Variants in DNM2 observed in about 807,000 individuals in gnomAD.
The protein encoded by DNM2 is dynamin 2, also known as dynamin-2.
Under a neutral mutation model 99.0 loss-of-function variants are expected in DNM2, and 15 were observed. The observed-to-expected ratio is 0.15, with a 90% CI of 0.10 to 0.23. The LOEUF (loss-of-function observed/expected upper bound fraction) is 0.23, where lower values mean the gene tolerates loss of function less well. DNM2 is among the 10% of genes least tolerant of loss of function. The pLI is 1.00. For missense variants in DNM2, 742 were observed against 1,189.4 expected (o/e 0.62, Z 5.53); for synonymous variants, 525 against 481.2 (o/e 1.09, Z -1.19).
chr19:10,751,515 C>T (rs981198238), intron 1 of DNM2, among the ~76,000 whole-genome samples: 2 of 152,170 alleles, frequency 1.3e-5, no homozygotes, highest in African/African-American at 2.4e-5. Context: ...GCTCCAAGTA[C>T]TCCTGCTGCT....
At position 10,811,599 on chromosome 19, in the gene DNM2, C is replaced by G; in HGVS notation, c.1558-665C>G. 2.3e-6 allele frequency: 1 copy of G among 429,906 alleles called. No homozygotes were observed. The highest frequency in any genetic ancestry group is 1.7e-5 in the South Asian group (1 of 60,292). 26.6% of individuals were successfully genotyped at this position (429,906 alleles called of 1,614,324 possible). A position where few individuals can be genotyped will look rare whatever the true frequency, so the allele number is the denominator to read the frequency against. On this transcript the variant is annotated intron_variant, in intron 14 of 20. Coordinates refer to ENST00000389253, the MANE Select transcript of DNM2 (RefSeq NM_001005361.3). The surrounding 1 kb of genome is among the most constrained non-coding windows in gnomAD (Gnocchi z 5.4). ...GTCCTGAGTGGGGTGGGGGGCTCTGCCCACACATGCCTCCAGCGGCCAGGG... is the reference window on the plus strand; with the variant it reads ...GTCCTGAGTGGGGTGGGGGGCTCTGGCCACACATGCCTCCAGCGGCCAGGG...
intron 7 of DNM2, among the ~76,000 whole-genome samples, chr19:10,791,347 C>T (rs1446958564): frequency 3.3e-5 from 5 of 152,114 alleles, no homozygotes; most frequent in South Asian, 4.1e-4. Flanking sequence ...CTCAGCTTCC[C>T]GAAGTGATGG....
chr19:10,790,900 G>T (rs1025671596), intron 7 of DNM2, among the ~76,000 whole-genome samples: 1 of 151,648 alleles, frequency 6.6e-6, no homozygotes, highest in Non-Finnish European at 1.5e-5. Flanking sequence ...CGAGTAGCTG[G>T]GAATAATACA....
intron 9 of DNM2, 128 bp from the exon 10 acceptor site, chr19:10,797,252 G>A: frequency 7.3e-7 from 1 of 1,377,132 alleles, no homozygotes; most frequent in South Asian, 1.2e-5. Context: ...GCGGGCGCAG[G>A]CTCCCCCATG....
chr19:10,808,131 A>G (rs1348151694), intron 13 of DNM2, among the ~76,000 whole-genome samples: 1 of 150,970 alleles, frequency 6.6e-6, no homozygotes, highest in Admixed American at 6.6e-5. Context: ...CGGCTGAGCG[A>G]GACTCCATAT....
intron 1 of DNM2, among the ~76,000 whole-genome samples, chr19:10,743,202 G>A (rs1342565943): frequency 6.6e-6 from 1 of 151,522 alleles, no homozygotes. Flanking sequence ...CACCACGCCC[G>A]GCCGTGATGC....
chr19:10,808,876 G>A lies in DNM2; in HGVS notation c.1557+296G>A, dbSNP rs1033187341. ...CAGGGATGGCAAATACTTACACACC[G>A]CCCCTGCCTCCCCTCACATCCCTGG... On this transcript the variant is annotated intron_variant, in intron 14 of 20. Transcript: ENST00000389253. The A allele has an allele frequency of 1.2e-4, 45 of 380,680 alleles. No individual in the cohort carries two copies. The Middle Eastern group carries it at 3.7e-3, about 32-fold the overall frequency. The allele number at this position is 380,680 out of a possible 1,614,324, so 23.6% of individuals were successfully genotyped here.
intron 1 of DNM2, among the ~76,000 whole-genome samples, chr19:10,722,729 G>A (rs986035335): frequency 3.3e-5 from 5 of 151,628 alleles, no homozygotes; most frequent in African/African-American, 1.2e-4. Context: ...GGGCTCAAGC[G>A]ATTCTCCTAC....
Position 10,831,750 on chromosome 19 carries a change from C to G in DNM2, c.*703C>G. The G allele has an allele frequency of 1.0e-6, 1 of 986,474 alleles. No homozygotes were observed. Among genetic ancestry groups the G allele is most frequent in the Non-Finnish European group, 1.2e-6 (1 of 830,500 alleles). 61.1% of individuals were successfully genotyped at this position (986,474 alleles called of 1,614,324 possible). On this transcript the variant is annotated 3_prime_UTR_variant, in exon 21 of 21. Transcript: ENST00000389253. This position sits in a 1 kb window ranked among gnomAD's most constrained non-coding sequence, Gnocchi z 4.3. ...GGTGGTGGCGGGGGGTCTTGGGGGCCTCTCAGCTCCCGCCCATGCCTCCCT... is the reference window on the plus strand; with the variant it reads ...GGTGGTGGCGGGGGGTCTTGGGGGCGTCTCAGCTCCCGCCCATGCCTCCCT...
chr19:10,782,207 A>G (rs1201795945), intron 5 of DNM2, among the ~76,000 whole-genome samples: 4 of 151,254 alleles, frequency 2.6e-5, no homozygotes, highest in Non-Finnish European at 4.4e-5. Flanking sequence ...TAATTTTTGT[A>G]TATTTTTGTA....
intron 1 of DNM2, among the ~76,000 whole-genome samples, chr19:10,750,361 C>G (rs368799748): frequency 4.6e-5 from 7 of 151,876 alleles, no homozygotes; most frequent in Non-Finnish European, 4.4e-5. Flanking sequence ...TGCCTGCAGT[C>G]CCAGTTACTT....
At position 10,811,988 on chromosome 19, in the gene DNM2, T is replaced by C; in HGVS notation, c.1558-276T>C. On this transcript the variant is annotated intron_variant, in intron 14 of 20. Transcript: ENST00000389253. The surrounding 1 kb of genome is among the most constrained non-coding windows in gnomAD (Gnocchi z 5.4). ...ACACAAGCCCCAGGGACTCCTCCCA[T>C]GGGCCCCTTTCCATCAGGCCTCTGT... The C allele has an allele frequency of 2.1e-6, 1 of 482,036 alleles. No individual in the cohort carries two copies. The highest frequency in any genetic ancestry group is 1.5e-5 in the South Asian group (1 of 64,746). 29.9% of individuals were successfully genotyped at this position (482,036 alleles called of 1,614,324 possible).
At chr19:10,805,341 G>T (rs560186034) in intron 12 of DNM2, among the ~76,000 whole-genome samples, 2 of 152,302 alleles carry the variant, frequency 1.3e-5, no homozygotes, top group African/African-American at 2.4e-5. Flanking sequence ...ATGATGAGAA[G>T]AGTAGGAAGA....
intron 1 of DNM2, among the ~76,000 whole-genome samples, chr19:10,721,968 C>T (rs2068954833): frequency 6.6e-6 from 1 of 152,156 alleles, no homozygotes; most frequent in African/African-American, 2.4e-5. Context: ...CTGGTTCCAC[C>T]ATGTCTGGCT....
intron 12 of DNM2, chr19:10,802,568 G>A: frequency 1.5e-6 from 1 of 649,542 alleles, no homozygotes; most frequent in South Asian, 1.7e-5. Flanking sequence ...CCTTCTGTGA[G>A]GCATCCCCAT....
At chr19:10,734,014 T>TA (rs111312260) in intron 1 of DNM2, among the ~76,000 whole-genome samples, 1,577 of 134,758 alleles carry the variant, frequency 0.012, 18 homozygotes, top group African/African-American at 0.036. Context: ...TCTCAAAAAA[T>TA]AAAAAAAAAA....
chr19:10,740,498 C>T (rs779345104), intron 1 of DNM2, among the ~76,000 whole-genome samples: 12 of 152,092 alleles, frequency 7.9e-5, no homozygotes, highest in Non-Finnish European at 1.3e-4. Flanking sequence ...GCCTCAGCCT[C>T]CTGAGTAGCT....
At chr19:10,754,508 C>A (rs1452393280) in intron 1 of DNM2, among the ~76,000 whole-genome samples, 2 of 152,110 alleles carry the variant, frequency 1.3e-5, no homozygotes, top group African/African-American at 4.8e-5. Flanking sequence ...GCCTCAGCCT[C>A]CCAAAGTGCT....
At chr19:10,738,284 TAAAA>T (rs1311323962) in intron 1 of DNM2, among the ~76,000 whole-genome samples, 3 of 151,644 alleles carry the variant, frequency 2.0e-5, no homozygotes, top group Non-Finnish European at 4.4e-5. Context: ...AATAAATAAA[TAAAA>T]AGGAAGTGGA....
Sources: gnomAD v4.1 joint callset for allele counts (sites outside exome capture counted in the v4.1 genomes callset) on GRCh38, gnomAD v4.1.1 for gene constraint, Gnocchi (gnomAD v3.1) non-coding constraint, MANE v1.5 for transcripts, NCBI Gene and HGNC (gene_info 2026-07-23, HGNC 2026-07-21) for gene names.